The following DCAF6 variants were observed in gnomAD, a reference collection of about 807,000 sequenced individuals.
DCAF6 encodes the protein DDB1 and CUL4 associated factor 6.
Under a neutral mutation model 125.1 loss-of-function variants are expected in DCAF6, and 54 were observed. That is an observed-to-expected ratio of 0.43 (90% CI 0.35 to 0.54). DCAF6 has a LOEUF of 0.54. Among genes scored for constraint, DCAF6 ranks in the 20% least tolerant of loss-of-function variants. The pLI is 0.01. For synonymous variants in DCAF6, 371 were observed against 390.4 expected (o/e 0.95, Z 0.58); for missense variants, 934 against 1,161.7 (o/e 0.80, Z 2.85).
chr1:167,983,170 T>A, intron 4 of DCAF6, among the ~76,000 whole-genome samples: 1 of 152,212 alleles, frequency 6.6e-6, no homozygotes, highest in East Asian at 1.9e-4. Flanking sequence ...CCATGTGAAT[T>A]TTAGAATAGT....
intron 5 of DCAF6, among the ~76,000 whole-genome samples, chr1:167,990,475 TAGC>T (rs1434021109): frequency 4.6e-5 from 7 of 152,230 alleles, no homozygotes; most frequent in African/African-American, 9.6e-5. Flanking sequence ...GGACCAATAA[TAGC>T]AGGCATTTCT....
chr1:168,046,775 C>T (rs981651794), intron 16 of DCAF6, among the ~76,000 whole-genome samples: 1 of 152,024 alleles, frequency 6.6e-6, no homozygotes, highest in African/African-American at 2.4e-5. Context: ...CTGATAATTT[C>T]CAAAACCCAG....
intron 1 of DCAF6, 69 bp downstream of exon 1, chr1:167,937,077 G>C: frequency 7.2e-7 from 1 of 1,384,644 alleles, no homozygotes; most frequent in Non-Finnish European, 1.0e-6. Context: ...CACGCTGCCG[G>C]GTCTGTTGGA....
the DCAF6 span, among the ~76,000 whole-genome samples, chr1:167,880,952 G>T: frequency 2.6e-5 from 4 of 152,082 alleles, no homozygotes; most frequent in African/African-American, 9.7e-5. Flanking sequence ...AGTGGAAAAG[G>T]CACCAGCTCT....
chr1:168,048,340 A>C (rs1479545739), intron 16 of DCAF6, among the ~76,000 whole-genome samples: 1 of 152,208 alleles, frequency 6.6e-6, no homozygotes, highest in East Asian at 1.9e-4. Flanking sequence ...GTGTATACTT[A>C]ATTTGATCTG....
At chr1:167,975,239 C>G (rs776704522) in intron 4 of DCAF6, among the ~76,000 whole-genome samples, 3 of 152,154 alleles carry the variant, frequency 2.0e-5, no homozygotes, top group Non-Finnish European at 2.9e-5. Context: ...TAATAGTACT[C>G]TAAGATGGGT....
At chr1:168,048,486 C>A (rs745553873) in intron 16 of DCAF6, among the ~76,000 whole-genome samples, 5 of 152,074 alleles carry the variant, frequency 3.3e-5, no homozygotes, top group African/African-American at 1.2e-4. Context: ...CAGTTCCTTG[C>A]AATACAGAGT....
intron 12 of DCAF6, among the ~76,000 whole-genome samples, chr1:168,037,097 C>A (rs79443313): frequency 5.1e-5 from 7 of 137,492 alleles, no homozygotes; most frequent in Non-Finnish European, 7.4e-5. Context: ...ATGAGATTCT[C>A]CCCCCCCTTT....
At chr1:167,918,021 C>A in the DCAF6 span, 1 of 233,412 alleles carries the variant, frequency 4.3e-6, no homozygotes, top group Non-Finnish European at 8.3e-6. Flanking sequence ...TTTGTGTGTT[C>A]TTTTATGTAC....
At chr1:168,028,492 A>G (rs1471050487) in intron 12 of DCAF6, among the ~76,000 whole-genome samples, 1 of 152,204 alleles carries the variant, frequency 6.6e-6, no homozygotes, top group Non-Finnish European at 1.5e-5. Context: ...GCAGTTGTGC[A>G]TCTGCAGGCA....
intron 5 of DCAF6, among the ~76,000 whole-genome samples, chr1:167,990,150 A>G (rs1163323368): frequency 1.3e-5 from 2 of 152,158 alleles, no homozygotes; most frequent in Non-Finnish European, 2.9e-5. Flanking sequence ...AGTGATTACA[A>G]TTAAAATATT....
Position 168,075,528 on chromosome 1 carries a change from G to A in DCAF6, c.*93G>A. On this transcript the variant is annotated 3_prime_UTR_variant, in exon 22 of 22. Transcript: ENST00000367840. Reference sequence around the variant, plus strand: ...TTACAGAGCTTTAGTGCAATTTTAAGGTTATGGTTTTTGGAGTTTTTCCCT... The same window carrying A: ...TTACAGAGCTTTAGTGCAATTTTAAAGTTATGGTTTTTGGAGTTTTTCCCT... 8.6e-7 allele frequency: 1 copy of A among 1,164,040 alleles called. No individual in the cohort carries two copies. Among genetic ancestry groups the A allele is most frequent in the South Asian group, 1.7e-5 (1 of 59,212 alleles). The allele number at this position is 1,164,040 out of a possible 1,614,324, so 72.1% of individuals were successfully genotyped here.
At chr1:167,874,514 C>T in the DCAF6 span, among the ~76,000 whole-genome samples, 4 of 152,228 alleles carry the variant, frequency 2.6e-5, no homozygotes, top group East Asian at 7.7e-4. Flanking sequence ...AACTGGAACT[C>T]TCTTAACATT....
intron 12 of DCAF6, among the ~76,000 whole-genome samples, chr1:168,030,002 A>G (rs1686859318): frequency 6.6e-6 from 1 of 151,886 alleles, no homozygotes; most frequent in African/African-American, 2.4e-5. Context: ...AAGAAAAGAA[A>G]CATGTCTAAG....
chr1:167,879,481 A>G, the DCAF6 span, among the ~76,000 whole-genome samples: 1 of 152,162 alleles, frequency 6.6e-6, no homozygotes, highest in Admixed American at 6.5e-5. Flanking sequence ...ATGAATTTCC[A>G]TATACCCATC....
the DCAF6 span, among the ~76,000 whole-genome samples, chr1:167,865,822 C>G: frequency 6.6e-6 from 1 of 152,246 alleles, no homozygotes; most frequent in Admixed American, 6.5e-5. Context: ...CAGAGGCCCT[C>G]ATTGTCCCCC....
At chr1:167,985,147 A>G (rs901378487) in intron 4 of DCAF6, among the ~76,000 whole-genome samples, 2 of 151,860 alleles carry the variant, frequency 1.3e-5, no homozygotes, top group African/African-American at 2.4e-5. Context: ...GTGGCAATTC[A>G]AGATAAGATT....
intron 17 of DCAF6, among the ~76,000 whole-genome samples, chr1:168,059,283 C>G (rs1691287010): frequency 6.6e-6 from 1 of 152,156 alleles, no homozygotes; most frequent in Non-Finnish European, 1.5e-5. Context: ...GGTGAATTTT[C>G]CCAGTGATCT....
the DCAF6 span, among the ~76,000 whole-genome samples, chr1:167,903,509 A>G: frequency 6.6e-6 from 1 of 152,130 alleles, no homozygotes; most frequent in Non-Finnish European, 1.5e-5. Context: ...GGTTGCAGTG[A>G]GCCAAGATTG....
Sources: gnomAD v4.1 joint callset for allele counts (sites outside exome capture counted in the v4.1 genomes callset) on GRCh38, gnomAD v4.1.1 for gene constraint, MANE v1.5 for transcripts, NCBI Gene and HGNC (gene_info 2026-07-23, HGNC 2026-07-21) for gene names.